PTPRD: variants seen among roughly 807,000 people sequenced by gnomAD.
PTPRD encodes protein tyrosine phosphatase receptor type D, also known as receptor-type tyrosine-protein phosphatase delta.
In PTPRD, 34 loss-of-function variants were observed where a neutral mutation model predicts 214.5. The ratio of observed to expected loss-of-function variants is 0.16; its 90% CI spans 0.12 to 0.21. PTPRD has a LOEUF of 0.21. PTPRD is among the 10% of genes least tolerant of loss of function. The probability of loss-of-function intolerance (pLI) is 1.00; values close to 1 mark genes in which losing one functional copy is unlikely to be tolerated. For synonymous variants in PTPRD, 1,128 were observed against 845.7 expected (o/e 1.33, Z -5.79); for missense variants, 2,545 against 2,398.7 (o/e 1.06, Z -1.27).
chr9:10,276,670 T>C (rs2094708872), intron 3 of PTPRD, among the ~76,000 whole-genome samples: 1 of 152,226 alleles, frequency 6.6e-6, no homozygotes, highest in African/African-American at 2.4e-5. Flanking sequence ...GATACATATA[T>C]TGCACCTGGC....
rs557896401 is a variant in PTPRD, at chr9:8,939,032, G to A, written c.-104+79665C>T. ...TTAATGTTAAGGATTCCTGGACATC[G>A]GATGTTTTATTTATTTTTTATACTA... On this transcript the variant is annotated intron_variant, in intron 11 of 45. Coordinates refer to ENST00000381196, the MANE Select transcript of PTPRD (RefSeq NM_002839.4). Among the ~76,000 whole-genome samples the A allele has an allele frequency of 1.3e-3, 200 of 152,118 alleles. 2 individuals carry two copies. The highest frequency in any genetic ancestry group is 6.8e-3 in the Middle Eastern group (2 of 294).
chr9:9,457,007 A>G (rs2093101740), intron 8 of PTPRD, among the ~76,000 whole-genome samples: 1 of 151,970 alleles, frequency 6.6e-6, no homozygotes, highest in African/African-American at 2.4e-5. Flanking sequence ...AGTAGGTCCA[A>G]ATGGCATGCC....
At chr9:10,157,144 T>C (rs566957523) in intron 3 of PTPRD, among the ~76,000 whole-genome samples, 1 of 152,312 alleles carries the variant, frequency 6.6e-6, no homozygotes, top group East Asian at 1.9e-4. Flanking sequence ...AAGTTTAGTA[T>C]TGATACATGT....
At chr9:8,897,854 CTTTA>C (rs2098632903) in intron 11 of PTPRD, among the ~76,000 whole-genome samples, 1 of 152,174 alleles carries the variant, frequency 6.6e-6, no homozygotes, top group African/African-American at 2.4e-5. Flanking sequence ...CACTCCAACT[CTTTA>C]TTTACAGAGT....
At chr9:8,752,614 G>C (rs139597864) in intron 11 of PTPRD, among the ~76,000 whole-genome samples, 1 of 151,968 alleles carries the variant, frequency 6.6e-6, no homozygotes, top group Admixed American at 6.6e-5. Flanking sequence ...GGTCTGGATC[G>C]GGACCCCTTT....
At chr9:8,482,058 G>C in intron 30 of PTPRD, among the ~76,000 whole-genome samples, 1 of 152,158 alleles carries the variant, frequency 6.6e-6, no homozygotes, top group East Asian at 1.9e-4. Context: ...TGGGATTACA[G>C]GCATGAGCCA....
intron 7 of PTPRD, among the ~76,000 whole-genome samples, chr9:9,728,516 G>C (rs888869028): frequency 1.3e-5 from 2 of 152,090 alleles, no homozygotes; most frequent in African/African-American, 2.4e-5. Flanking sequence ...ATCCTAAAAA[G>C]TAAAAATGAA....
chr9:9,562,816 C>A (rs1331048900), intron 8 of PTPRD, among the ~76,000 whole-genome samples: 3 of 152,216 alleles, frequency 2.0e-5, no homozygotes, highest in African/African-American at 7.2e-5. Context: ...TCAACCTGTT[C>A]TACTTTTTGT....
chr9:10,599,911 C>T (rs1397338295), intron 2 of PTPRD, among the ~76,000 whole-genome samples: 1 of 151,720 alleles, frequency 6.6e-6, no homozygotes, highest in Non-Finnish European at 1.5e-5. Context: ...TAATCACTGA[C>T]TCAAAGAAGC....
chr9:10,385,059 G>T (rs1034688510), intron 2 of PTPRD, among the ~76,000 whole-genome samples: 1 of 151,556 alleles, frequency 6.6e-6, no homozygotes, highest in African/African-American at 2.4e-5. Context: ...TAACCTTACG[G>T]GTTATTTTTC....
chr9:9,929,485 C>G (rs564910856), intron 5 of PTPRD, among the ~76,000 whole-genome samples: 1 of 152,148 alleles, frequency 6.6e-6, no homozygotes, highest in African/African-American at 2.4e-5. Flanking sequence ...CCTCTGCCTC[C>G]TGGGTTCAAA....
At chr9:8,355,246 T>C (rs2076681919) in intron 39 of PTPRD, among the ~76,000 whole-genome samples, 1 of 152,176 alleles carries the variant, frequency 6.6e-6, no homozygotes, top group African/African-American at 2.4e-5. Flanking sequence ...CCCTTTTGCC[T>C]TCCACCAAAC....
At chr9:8,989,969 A>G (rs985786092) in intron 11 of PTPRD, among the ~76,000 whole-genome samples, 5 of 152,220 alleles carry the variant, frequency 3.3e-5, no homozygotes, top group African/African-American at 1.2e-4. Context: ...TAAGGGCTAT[A>G]AAGAAACTTA....
chr9:10,301,092 C>G (rs1055911830), intron 3 of PTPRD, among the ~76,000 whole-genome samples: 3 of 152,154 alleles, frequency 2.0e-5, no homozygotes, highest in Non-Finnish European at 4.4e-5. Context: ...CTTTGCTGTT[C>G]TGCAGTCTCT....
At chr9:10,328,056 C>T (rs1056202498) in intron 3 of PTPRD, among the ~76,000 whole-genome samples, 1 of 151,362 alleles carries the variant, frequency 6.6e-6, no homozygotes, top group Non-Finnish European at 1.5e-5. Flanking sequence ...GATGAGCTTC[C>T]ATCTTTAAAG....
At chr9:8,997,644 G>T (rs538587861) in intron 11 of PTPRD, among the ~76,000 whole-genome samples, 3 of 152,138 alleles carry the variant, frequency 2.0e-5, no homozygotes, top group South Asian at 4.1e-4. Context: ...ACCTATAATG[G>T]CCTCAAAGTG....
chr9:10,207,860 A>G (rs1333848478), intron 3 of PTPRD, among the ~76,000 whole-genome samples: 1 of 152,062 alleles, frequency 6.6e-6, no homozygotes, highest in Non-Finnish European at 1.5e-5. Flanking sequence ...AACAACAACA[A>G]CAACAGAAAA....
intron 36 of PTPRD, among the ~76,000 whole-genome samples, chr9:8,401,534 G>C (rs111272250): frequency 7.2e-5 from 11 of 152,062 alleles, no homozygotes; most frequent in African/African-American, 2.4e-4. Flanking sequence ...GGACTCTTTT[G>C]AATTTATTCT....
At chr9:8,560,632 A>T (rs1176212016) in intron 14 of PTPRD, among the ~76,000 whole-genome samples, 1 of 152,206 alleles carries the variant, frequency 6.6e-6, no homozygotes, top group Non-Finnish European at 1.5e-5. Context: ...ATAGCAATGG[A>T]AAGAATGAAT....
Sources: gnomAD v4.1 joint callset for allele counts (sites outside exome capture counted in the v4.1 genomes callset) on GRCh38, gnomAD v4.1.1 for gene constraint, MANE v1.5 for transcripts, NCBI Gene and HGNC (gene_info 2026-07-23, HGNC 2026-07-21) for gene names.